Variants in PREX2 observed in about 807,000 individuals in gnomAD.
PREX2 encodes phosphatidylinositol-3,4,5-trisphosphate dependent Rac exchange factor 2, also known as phosphatidylinositol 3,4,5-trisphosphate-dependent Rac exchanger 2 protein.
PREX2 carries 107 observed loss-of-function variants against 203.2 expected under a neutral mutation model. The observed-to-expected ratio is 0.53, with a 90% CI of 0.45 to 0.62. The LOEUF is 0.62. PREX2 is among the 20% of genes least tolerant of loss of function. The pLI, the probability that PREX2 is intolerant of heterozygous loss-of-function variation, is 0.00. For missense variants in PREX2, 1,777 were observed against 1,955.9 expected (o/e 0.91, Z 1.72); for synonymous variants, 672 against 663.6 (o/e 1.01, Z -0.19).
chr8:68,102,833 T>C, intron 23 of PREX2: 1 of 518,618 alleles, frequency 1.9e-6, no homozygotes, highest in Admixed American at 1.9e-5. Flanking sequence ...ACAGATGTTT[T>C]TTGGCACATG....
chr8:67,990,111 A>T (rs1366827200), intron 1 of PREX2, among the ~76,000 whole-genome samples: 1 of 151,668 alleles, frequency 6.6e-6, no homozygotes, highest in Non-Finnish European at 1.5e-5. Context: ...TCAGCCTCCC[A>T]GGTAGCTGGG....
intron 13 of PREX2, 105 bp from the exon 14 acceptor site, chr8:68,072,390 T>A (rs1031414207): frequency 3.3e-6 from 2 of 603,590 alleles, no homozygotes; most frequent in Admixed American, 5.9e-5. Context: ...GTGGTAAACT[T>A]CTCTGTTGCA....
chr8:68,029,841 AC>A (rs1438701718), intron 5 of PREX2, among the ~76,000 whole-genome samples: 1 of 152,068 alleles, frequency 6.6e-6, no homozygotes, highest in Non-Finnish European at 1.5e-5. Flanking sequence ...AAATAAAAAG[AC>A]CCTCCAAATC....
At chr8:67,988,437 C>A (rs1806499396) in intron 1 of PREX2, among the ~76,000 whole-genome samples, 1 of 152,198 alleles carries the variant, frequency 6.6e-6, no homozygotes, top group Non-Finnish European at 1.5e-5. Flanking sequence ...ACAGTCCTCA[C>A]CAGAGATGAA....
At chr8:68,152,306 A>AAAAAGAT (rs1258434600) in intron 34 of PREX2, among the ~76,000 whole-genome samples, 1 of 151,488 alleles carries the variant, frequency 6.6e-6, no homozygotes, top group Non-Finnish European at 1.5e-5. Flanking sequence ...AAAAAAAAAA[A>AAAAAGAT]AAAAGATAAA....
chr8:68,159,371 G>T (rs546172627), intron 35 of PREX2, among the ~76,000 whole-genome samples: 6 of 152,330 alleles, frequency 3.9e-5, no homozygotes, highest in African/African-American at 1.4e-4. Context: ...TGCATAAAGT[G>T]CAAGAAGAAT....
At chr8:68,063,527 T>C (rs897968954) in intron 11 of PREX2, among the ~76,000 whole-genome samples, 89 of 152,300 alleles carry the variant, frequency 5.8e-4, no homozygotes, top group African/African-American at 2.0e-3. Context: ...TGCCACGGAT[T>C]GGATTTTACC....
At chr8:68,185,054 A>G (rs1812162591) in intron 35 of PREX2, among the ~76,000 whole-genome samples, 1 of 152,172 alleles carries the variant, frequency 6.6e-6, no homozygotes, top group Non-Finnish European at 1.5e-5. Context: ...CACGGCAAAC[A>G]TCAGTTCCCT....
intron 11 of PREX2, among the ~76,000 whole-genome samples, chr8:68,067,812 A>G (rs1809065078): frequency 6.6e-6 from 1 of 152,180 alleles, no homozygotes; most frequent in Non-Finnish European, 1.5e-5. Flanking sequence ...AAAAGCTTTC[A>G]GCTTTTGACC....
chr8:68,227,966 A>G (rs986991921), intron 39 of PREX2, among the ~76,000 whole-genome samples: 7 of 152,212 alleles, frequency 4.6e-5, no homozygotes, highest in Non-Finnish European at 8.8e-5. Context: ...GCATTGGGGT[A>G]TTAAGATGGA....
intron 31 of PREX2, among the ~76,000 whole-genome samples, chr8:68,129,217 A>G (rs557939146): frequency 6.6e-6 from 1 of 152,354 alleles, no homozygotes; most frequent in Non-Finnish European, 1.5e-5. Flanking sequence ...GAATAAATGA[A>G]TAAATAGTAG....
chr8:68,050,310 C>T (rs530813166), intron 8 of PREX2, among the ~76,000 whole-genome samples: 15 of 151,838 alleles, frequency 9.9e-5, no homozygotes, highest in East Asian at 3.9e-4. Context: ...AACTGGATGA[C>T]GGTTCTGTGG....
At chr8:68,064,663 C>T (rs1808963893) in intron 11 of PREX2, among the ~76,000 whole-genome samples, 1 of 152,124 alleles carries the variant, frequency 6.6e-6, no homozygotes, top group Non-Finnish European at 1.5e-5. Context: ...CAGGCATGAG[C>T]CACCATGCCG....
intron 1 of PREX2, among the ~76,000 whole-genome samples, chr8:67,978,956 A>C (rs1806189575): frequency 6.6e-6 from 1 of 152,230 alleles, no homozygotes; most frequent in Non-Finnish European, 1.5e-5. Context: ...TTAATCATGC[A>C]CTTTACACTA....
At chr8:67,977,779 A>G (rs1806150053) in intron 1 of PREX2, among the ~76,000 whole-genome samples, 1 of 152,162 alleles carries the variant, frequency 6.6e-6, no homozygotes. Flanking sequence ...ACCCCAAAGT[A>G]CTAGGTTTGG....
At chr8:68,019,337 G>A (rs1807495744) in intron 2 of PREX2, among the ~76,000 whole-genome samples, 1 of 152,236 alleles carries the variant, frequency 6.6e-6, no homozygotes, top group Admixed American at 6.5e-5. Flanking sequence ...GGCAACCGAG[G>A]CCTTGCCCTG....
At chr8:67,970,641 G>C (rs896494026) in intron 1 of PREX2, among the ~76,000 whole-genome samples, 1 of 152,132 alleles carries the variant, frequency 6.6e-6, no homozygotes, top group Non-Finnish European at 1.5e-5. Context: ...ATGTTTTCTT[G>C]ATCAAGAGGT....
intron 1 of PREX2, among the ~76,000 whole-genome samples, chr8:68,017,292 G>T (rs1459846213): frequency 2.0e-5 from 3 of 152,070 alleles, no homozygotes; most frequent in African/African-American, 7.2e-5. Context: ...AAAAGGCTGG[G>T]GGTGGGCAAT....
At chr8:68,164,796 G>A (rs1036376488) in intron 35 of PREX2, among the ~76,000 whole-genome samples, 1 of 151,252 alleles carries the variant, frequency 6.6e-6, no homozygotes, top group Non-Finnish European at 1.5e-5. Context: ...TGGTCAGGCT[G>A]GTCTCGAACT....
Sources: gnomAD v4.1 joint callset for allele counts (sites outside exome capture counted in the v4.1 genomes callset) on GRCh38, gnomAD v4.1.1 for gene constraint, MANE v1.5 for transcripts, NCBI Gene and HGNC (gene_info 2026-07-23, HGNC 2026-07-21) for gene names.